TTC27: variants seen among roughly 807,000 people sequenced by gnomAD.
The protein encoded by TTC27 is tetratricopeptide repeat domain 27.
In TTC27, 79 loss-of-function variants were observed where a neutral mutation model predicts 115.9. That is an observed-to-expected ratio of 0.68 (90% CI 0.57 to 0.82). The LOEUF (loss-of-function observed/expected upper bound fraction) is 0.82. Ranked by LOEUF, TTC27 falls within the 40% of genes least tolerant of loss-of-function variation. TTC27 has a pLI of 0.00. For missense variants in TTC27, 1,054 were observed against 993.1 expected (o/e 1.06, Z -0.82); for synonymous variants, 401 against 356.0 (o/e 1.13, Z -1.42).
At chr2:32,797,180 A>T (rs1288867818) in intron 16 of TTC27, among the ~76,000 whole-genome samples, 1 of 151,218 alleles carries the variant, frequency 6.6e-6, no homozygotes, top group African/African-American at 2.4e-5. Context: ...TCTCAAAAAA[A>T]AAAAAAAAAA....
At chr2:32,668,631 A>G (rs910403147) in intron 7 of TTC27, among the ~76,000 whole-genome samples, 6 of 134,228 alleles carry the variant, frequency 4.5e-5, no homozygotes, top group Non-Finnish European at 9.1e-5. Flanking sequence ...TATATTGCCC[A>G]GGTTTGTTTC....
intron 8 of TTC27, 25 bp downstream of exon 8, chr2:32,672,409 CT>C: frequency 1.3e-6 from 2 of 1,501,492 alleles, no homozygotes; most frequent in South Asian, 1.1e-5. Context: ...GACTTGGCTG[CT>C]TTGAACACTT....
chr2:32,783,823 G>C (rs1670260230), intron 15 of TTC27, among the ~76,000 whole-genome samples: 1 of 152,194 alleles, frequency 6.6e-6, no homozygotes, highest in African/African-American at 2.4e-5. Context: ...GCTGTTGCCA[G>C]AACTCTAATA....
chr2:32,663,842 G>A (rs1665654835), intron 5 of TTC27, among the ~76,000 whole-genome samples: 1 of 152,046 alleles, frequency 6.6e-6, no homozygotes. Flanking sequence ...ATGCCACTAT[G>A]CCCGGCTAAT....
chr2:32,736,730 A>T lies in TTC27; in HGVS notation c.1366A>T (p.Thr456Ser). The change falls in exon 12 of 20, where the codon ACC becomes TCC. Residue 456 changes from threonine (T) to serine (S), a missense_variant. By Grantham distance (58) the Thr-to-Ser change is moderately conservative. Coordinates refer to ENST00000317907, the MANE Select transcript of TTC27 (RefSeq NM_017735.5). ...LASLLFELGCTSSALQIFEKL... is the reference protein window; with the variant it reads ...LASLLFELGCSSSALQIFEKL... ...AAGTTTGCTCTTTGAGTTGGGATGT[A>T]CCAGTTCAGCCCTTCAGATATTTGA... 6.2e-7 allele frequency: 1 copy of T among 1,614,042 alleles called. No individual in the cohort carries two copies. The highest frequency in any genetic ancestry group is 8.5e-7 in the Non-Finnish European group (1 of 1,179,930).
intron 5 of TTC27, among the ~76,000 whole-genome samples, chr2:32,655,270 G>C (rs1231951938): frequency 6.6e-6 from 1 of 151,946 alleles, no homozygotes; most frequent in African/African-American, 2.4e-5. Context: ...TATTACAGGA[G>C]TGAGCCACTG....
intron 7 of TTC27, among the ~76,000 whole-genome samples, chr2:32,668,581 C>CCTTCCTTCCTTCCTTCCTTCCTTT (rs1370151934): frequency 8.2e-6 from 1 of 121,596 alleles, no homozygotes; most frequent in Non-Finnish European, 1.6e-5. Context: ...TTCCTTCCTT[C>CCTTCCTTCCTTCCTTCCTTCCTTT]CTTCCTTCCT....
At chr2:32,773,636 G>T (rs1669901710) in intron 13 of TTC27, among the ~76,000 whole-genome samples, 1 of 152,216 alleles carries the variant, frequency 6.6e-6, no homozygotes, top group African/African-American at 2.4e-5. Context: ...TCTCTTAGGA[G>T]AGTGAGATTG....
chr2:32,767,402 C>T (rs1558333615), intron 13 of TTC27, among the ~76,000 whole-genome samples: 3 of 151,038 alleles, frequency 2.0e-5, no homozygotes, highest in Non-Finnish European at 4.4e-5. Context: ...AAGAAAAGTA[C>T]CCTAAATGGA....
At chr2:32,733,679 C>T (rs751228502) in intron 10 of TTC27, 149 bp from the exon 11 acceptor site, 7 of 432,004 alleles carry the variant, frequency 1.6e-5, no homozygotes, top group East Asian at 7.3e-5. Flanking sequence ...TAAAGAAATT[C>T]GAGAAAAAAT....
At chr2:32,754,163 AATTG>A (rs1669121026) in intron 12 of TTC27, among the ~76,000 whole-genome samples, 1 of 146,392 alleles carries the variant, frequency 6.8e-6, no homozygotes, top group Non-Finnish European at 1.5e-5. Flanking sequence ...TTTTTTTTTT[AATTG>A]ATCATTCTTG....
chr2:32,812,627 A>G lies in TTC27; in HGVS notation c.2308+12A>G, dbSNP rs1480128530. 6.4e-7 allele frequency: 1 copy of G among 1,574,374 alleles called. No homozygotes were observed. Among genetic ancestry groups the G allele is most frequent in the Non-Finnish European group, 8.7e-7 (1 of 1,144,344 alleles). ...AGGACTTGCACATGGTATTTGATGT[A>G]ACATTTGATATCCATGGAATGTTTT... On this transcript the variant is annotated intron_variant, in intron 18 of 19. Coordinates refer to ENST00000317907, the MANE Select transcript of TTC27 (RefSeq NM_017735.5).
chr2:32,695,151 C>T (rs1194589787), intron 9 of TTC27, among the ~76,000 whole-genome samples: 2 of 152,166 alleles, frequency 1.3e-5, no homozygotes, highest in Non-Finnish European at 2.9e-5. Context: ...AGAACTTTTT[C>T]AGCTTTCCAA....
intron 18 of TTC27, among the ~76,000 whole-genome samples, chr2:32,814,521 A>G (rs1157770034): frequency 6.6e-6 from 1 of 152,204 alleles, no homozygotes; most frequent in Non-Finnish European, 1.5e-5. Context: ...TTCTCTGTGT[A>G]TGAGTCTCTT....
chr2:32,748,419 T>C (rs550045647), intron 12 of TTC27, among the ~76,000 whole-genome samples: 15 of 152,188 alleles, frequency 9.9e-5, no homozygotes, highest in African/African-American at 3.6e-4. Flanking sequence ...TTGGCTGGAG[T>C]GTTCTTTAAA....
intron 9 of TTC27, among the ~76,000 whole-genome samples, chr2:32,701,133 T>C (rs1667171267): frequency 6.6e-6 from 1 of 152,186 alleles, no homozygotes; most frequent in Non-Finnish European, 1.5e-5. Flanking sequence ...ATCCTGTCTG[T>C]TTTGTTTGCT....
intron 18 of TTC27, among the ~76,000 whole-genome samples, chr2:32,816,863 G>C (rs2148052584): frequency 6.6e-6 from 1 of 152,276 alleles, no homozygotes; most frequent in Non-Finnish European, 1.5e-5. Flanking sequence ...TGGGGACTTG[G>C]TAGCATGGAA....
chr2:32,640,043 A>T (rs1263276393), intron 3 of TTC27, among the ~76,000 whole-genome samples: 1 of 152,070 alleles, frequency 6.6e-6, no homozygotes, highest in Non-Finnish European at 1.5e-5. Context: ...AAACCCAAAA[A>T]ATCAAGTTTG....
At chr2:32,675,947 A>C (rs1666182751) in intron 8 of TTC27, among the ~76,000 whole-genome samples, 1 of 151,880 alleles carries the variant, frequency 6.6e-6, no homozygotes, top group African/African-American at 2.4e-5. Flanking sequence ...GCCCACCACC[A>C]TGCTCATCTA....
Sources: allele counts gnomAD v4.1 joint callset (sites outside exome capture counted in the v4.1 genomes callset), GRCh38; gene constraint gnomAD v4.1.1; transcripts MANE v1.5; gene names NCBI Gene and HGNC (gene_info 2026-07-23, HGNC 2026-07-21).